The following FREM1 variants were observed in gnomAD, a reference collection of about 807,000 sequenced individuals.
FREM1 encodes FRAS1 related extracellular matrix 1.
Under a neutral mutation model 210.1 loss-of-function variants are expected in FREM1, and 220 were observed. The ratio of observed to expected loss-of-function variants is 1.05; its 90% CI spans 0.94 to 1.17. FREM1 has a LOEUF of 1.17. Among genes scored for constraint, FREM1 ranks in the 50% most tolerant of loss-of-function variants. FREM1 has a pLI of 0.00. For synonymous variants in FREM1, 1,189 were observed against 980.2 expected (o/e 1.21, Z -3.98); for missense variants, 3,454 against 2,675.5 (o/e 1.29, Z -6.42).
At chr9:14,905,675 G>A (rs1166958396) in intron 1 of FREM1, among the ~76,000 whole-genome samples, 1 of 152,204 alleles carries the variant, frequency 6.6e-6, no homozygotes, top group Non-Finnish European at 1.5e-5. Flanking sequence ...GATCACCTGA[G>A]GTCAGGAGTT....
chr9:14,844,936 A>C (rs1826324116), intron 8 of FREM1, among the ~76,000 whole-genome samples: 1 of 152,190 alleles, frequency 6.6e-6, no homozygotes, highest in African/African-American at 2.4e-5. Flanking sequence ...ACAAGCGAAC[A>C]CCCAACCTGA....
At chr9:14,765,111 T>C (rs887806353) in intron 27 of FREM1, among the ~76,000 whole-genome samples, 3 of 152,244 alleles carry the variant, frequency 2.0e-5, no homozygotes, top group Non-Finnish European at 4.4e-5. Context: ...TATCTTCATT[T>C]ATAATCAAGT....
chr9:14,871,500 T>C (rs576818290), intron 1 of FREM1, among the ~76,000 whole-genome samples: 6 of 152,114 alleles, frequency 3.9e-5, no homozygotes, highest in African/African-American at 7.2e-5. Context: ...TTTGATGGGG[T>C]TGTTTGTTTT....
intron 5 of FREM1, among the ~76,000 whole-genome samples, chr9:14,851,959 G>C (rs1827835329): frequency 6.6e-6 from 1 of 152,148 alleles, no homozygotes; most frequent in African/African-American, 2.4e-5. Context: ...TGTGATTTTA[G>C]ACAAGTTACT....
At chr9:14,778,730 GAAGGGAAGGGAAGGGAAGGA>G in intron 24 of FREM1, among the ~76,000 whole-genome samples, 1 of 141,302 alleles carries the variant, frequency 7.1e-6, no homozygotes, top group Non-Finnish European at 1.6e-5. Flanking sequence ...GAAGGGAAGG[GAAGGGAAGGGAAGGGAAGGA>G]AAGGAAAGGA....
intron 10 of FREM1, among the ~76,000 whole-genome samples, chr9:14,828,501 T>C (rs1047262198): frequency 1.3e-5 from 2 of 152,278 alleles, no homozygotes. Context: ...CACCCATACC[T>C]GATTTAGTAC....
intron 10 of FREM1, among the ~76,000 whole-genome samples, chr9:14,828,345 T>A (rs1822871847): frequency 6.6e-6 from 1 of 152,330 alleles, no homozygotes; most frequent in East Asian, 1.9e-4. Flanking sequence ...GATCCTTTCT[T>A]CTTTCCTATT....
At chr9:14,878,296 T>A (rs1834146204) in intron 1 of FREM1, among the ~76,000 whole-genome samples, 1 of 152,004 alleles carries the variant, frequency 6.6e-6, no homozygotes, top group Admixed American at 6.6e-5. Flanking sequence ...TATCTTTGCT[T>A]TTCCTCAAAC....
intron 1 of FREM1, among the ~76,000 whole-genome samples, chr9:14,895,351 C>T (rs903290840): frequency 6.6e-6 from 1 of 152,120 alleles, no homozygotes; most frequent in South Asian, 2.1e-4. Flanking sequence ...CTATGGTACA[C>T]CTGATTAGAT....
intron 21 of FREM1, among the ~76,000 whole-genome samples, chr9:14,796,805 TC>T (rs1369315329): frequency 2.0e-5 from 3 of 152,190 alleles, no homozygotes; most frequent in Non-Finnish European, 4.4e-5. Context: ...GTCCTCCCAA[TC>T]CCTACAGAGC....
At chr9:14,864,035 C>G in intron 2 of FREM1, 132 bp from the exon 3 acceptor site, 1 of 643,720 alleles carries the variant, frequency 1.6e-6, no homozygotes, top group Non-Finnish European at 2.9e-6. Flanking sequence ...GTGTGTGTGT[C>G]TTCACCACCA....
chr9:14,792,630 T>C, intron 22 of FREM1, 113 bp downstream of exon 22: 1 of 804,886 alleles, frequency 1.2e-6, no homozygotes, highest in Non-Finnish European at 1.8e-6. Context: ...ATTTTCTACT[T>C]CTAGGCAAAT....
chr9:14,886,985 T>C (rs1175615096), intron 1 of FREM1, among the ~76,000 whole-genome samples: 1 of 152,104 alleles, frequency 6.6e-6, no homozygotes, highest in Non-Finnish European at 1.5e-5. Flanking sequence ...ACAAATGAAT[T>C]TCCAAAGTTA....
intron 20 of FREM1, among the ~76,000 whole-genome samples, chr9:14,798,951 C>T (rs923988697): frequency 6.6e-6 from 1 of 150,484 alleles, no homozygotes; most frequent in African/African-American, 2.4e-5. Flanking sequence ...TGGGATTACA[C>T]GTGTGAACCA....
rs1467349846 is a variant in FREM1 at position 14,842,509 on chromosome 9, C to A, written c.1545G>T (p.Leu515Phe). The change falls in exon 9 of 37, where the codon TTG becomes TTT. Residue 515 changes from leucine to phenylalanine, a missense_variant. Physicochemically the swap from Leu to Phe is conservative, Grantham distance 22. Transcript: ENST00000380880. ...SIRHKFPINV[L>F]PKDDSPPFLI... ...GGAACGGGGGACTATCATCTTTGGG[C>A]AAGACGTTGATGGGGAATTTGTGAC... 8 of 1,613,990 alleles carry A rather than the reference C, an allele frequency of 5.0e-6. No individual in the cohort carries two copies. Among genetic ancestry groups the A allele is most frequent in the Non-Finnish European group, 6.8e-6 (8 of 1,179,894 alleles).
intron 22 of FREM1, among the ~76,000 whole-genome samples, chr9:14,790,010 T>C (rs935745322): frequency 6.6e-6 from 1 of 152,180 alleles, no homozygotes; most frequent in Non-Finnish European, 1.5e-5. Context: ...ATCCTGTGGT[T>C]TTACTGTCTC....
chr9:14,747,308 C>T lies in FREM1; in HGVS notation c.5965G>A (p.Ala1989Thr), dbSNP rs1228636417. ...TCAGTTGTGGATTCCACCTTATCTG[C>T]TTGAGGCAGTTCTGCCACTTTGATT... ...KTIKVAELPQ[A>T]DKVESTTDSH... Residue 1989 changes from alanine to threonine, a missense_variant, in exon 33 of 37, where the codon GCA (alanine) becomes ACA (threonine). Transcript: ENST00000380880. 2 of 1,613,682 alleles carry T rather than the reference C, an allele frequency of 1.2e-6. No homozygotes were observed. Among genetic ancestry groups the T allele is most frequent in the East Asian group, 2.2e-5 (1 of 44,864 alleles).
chr9:14,808,649 C>T (rs1346917112), intron 16 of FREM1, among the ~76,000 whole-genome samples: 3 of 152,116 alleles, frequency 2.0e-5, no homozygotes, highest in Non-Finnish European at 4.4e-5. Flanking sequence ...CCATTTCTTT[C>T]AATATTCTTC....
At chr9:14,860,646 C>T (rs1486506079) in intron 3 of FREM1, among the ~76,000 whole-genome samples, 1 of 136,946 alleles carries the variant, frequency 7.3e-6, no homozygotes, top group Non-Finnish European at 1.6e-5. Context: ...CACATGTATA[C>T]ATATATACAC....
Sources: allele counts gnomAD v4.1 joint callset (sites outside exome capture counted in the v4.1 genomes callset), GRCh38; gene constraint gnomAD v4.1.1; transcripts MANE v1.5; gene names NCBI Gene and HGNC (gene_info 2026-07-23, HGNC 2026-07-21).